Variants in ZSCAN5C observed in about 807,000 individuals in gnomAD.
ZSCAN5C encodes zinc finger and SCAN domain containing 5C, also known as zinc finger and SCAN domain-containing protein 5C.
A neutral mutation model predicts 17.3 loss-of-function variants in ZSCAN5C; 11 were observed. That is an observed-to-expected ratio of 0.64 (90% CI 0.40 to 1.06). The LOEUF is 1.06. ZSCAN5C is among the 50% of genes least tolerant of loss of function. The pLI is 0.00. For missense variants in ZSCAN5C, 698 were observed against 538.9 expected, an observed-to-expected ratio of 1.30 and a Z score of -2.92; for synonymous variants, 229 against 208.4, an observed-to-expected ratio of 1.10 and a Z score of -0.85.
At chr19:56,205,668 C>T (rs2032912069) in intron 1 of ZSCAN5C, 119 bp from the exon 2 acceptor site, 2 of 455,094 alleles carry the variant, frequency 4.4e-6, no homozygotes, top group Non-Finnish European at 7.8e-6. Context: ...GATTGATTTC[C>T]ACGGTGCTGA....
chr19:56,203,609 T>TCTA (rs2032892207), intron 1 of ZSCAN5C, among the ~76,000 whole-genome samples: 1 of 151,294 alleles, frequency 6.6e-6, no homozygotes, highest in South Asian at 2.1e-4. Context: ...TAACCACCAT[T>TCTA]CTACTCACTG....
At chr19:56,204,156 C>T (rs1201277737) in intron 1 of ZSCAN5C, among the ~76,000 whole-genome samples, 2 of 151,704 alleles carry the variant, frequency 1.3e-5, no homozygotes, top group South Asian at 4.2e-4. Flanking sequence ...TTTTTCAACC[C>T]TCCCTCCCTC....
At chr19:56,208,495 C>T (rs1191072512) in exon 5 of ZSCAN5C, 9 of 1,534,978 alleles carry the variant, frequency 5.9e-6, no homozygotes, top group Non-Finnish European at 8.1e-6. Context: ...AAAAAAGAGC[C>T]TCTGTGGAAA....
At chr19:56,203,342 C>T (rs1012093447) in intron 1 of ZSCAN5C, among the ~76,000 whole-genome samples, 6 of 151,824 alleles carry the variant, frequency 4.0e-5, no homozygotes, top group South Asian at 2.1e-4. Context: ...TTATGGTGTA[C>T]AGCATAATGT....
At chr19:56,202,746 G>T (rs188483633) in intron 1 of ZSCAN5C, among the ~76,000 whole-genome samples, 43 of 151,976 alleles carry the variant, frequency 2.8e-4, no homozygotes, top group Admixed American at 2.2e-3. Flanking sequence ...TGTACAGATG[G>T]GGTCTCAGTA....
rs2032927871 is a variant in ZSCAN5C at position 56,206,937 on chromosome 19, T to A, written c.385-122T>A. The A allele has an allele frequency of 8.3e-6, 5 of 605,766 alleles. 1 individual carries two copies. The highest frequency in any genetic ancestry group is 1.5e-5 in the Non-Finnish European group (5 of 338,254). The allele number at this position is 605,766 out of a possible 1,614,324, so 37.5% of individuals were successfully genotyped here. On this transcript the variant is annotated intron_variant, in intron 2 of 4. Transcript: ENST00000534327. ...AAGTTCACACAGAGCTGATTCTGCA[T>A]CGGGAAGGCAGATTTGAACATTAAT...
intron 2 of ZSCAN5C, among the ~76,000 whole-genome samples, chr19:56,206,615 G>C (rs10426561): frequency 0.038 from 5,719 of 151,538 alleles, 264 homozygotes; most frequent in African/African-American, 0.13. Context: ...GGGGTACAGG[G>C]ACCCACACAC....
chr19:56,206,938 C>G (rs73065799), intron 2 of ZSCAN5C, 121 bp from the exon 3 acceptor site: 4 of 604,060 alleles, frequency 6.6e-6, no homozygotes, highest in African/African-American at 3.7e-5. Flanking sequence ...GATTCTGCAT[C>G]GGGAAGGCAG....
In ZSCAN5C at chr19:56,207,122, G is replaced by T; in HGVS notation, c.448G>T (p.Ala150Ser). ...GGAATCAGATGTGGAGATGGCTGAA[G>T]CCCCCGCCAGTGTCAGAGATGATCC... The change falls in exon 3 of 5, where the codon GCC becomes TCC. Residue 150 changes from alanine (A) to serine (S), a missense_variant. Transcript: ENST00000534327. 4 of 755,572 alleles carry T rather than the reference G, an allele frequency of 5.3e-6. No homozygotes were observed. In the East Asian group the frequency reaches 9.9e-5, roughly 19 times the overall value. 46.8% of individuals were successfully genotyped at this position (755,572 alleles called of 1,614,324 possible).
At chr19:56,207,445 TTC>T (rs934468215) in intron 3 of ZSCAN5C, among the ~76,000 whole-genome samples, 183 bp downstream of exon 3, 5 of 150,680 alleles carry the variant, frequency 3.3e-5, no homozygotes, top group African/African-American at 9.9e-5. Flanking sequence ...TCATCTACTT[TTC>T]TCTCCACCAT....
At position 56,207,549 on chromosome 19, in the gene ZSCAN5C, T is replaced by A. The variant is rs201566972; in HGVS notation, c.588+287T>A. ...ACAGATGAATGAACTGAAGGTCCCA[T>A]CCCCATCCAGTTTCCTCAAAGACAT... On this transcript the variant is annotated intron_variant, in intron 3 of 4. Transcript: ENST00000534327. Among the ~76,000 whole-genome samples, 1,481 of 151,564 alleles carry A rather than the reference T, an allele frequency of 9.8e-3. 56 individuals carry two copies. The highest frequency in any genetic ancestry group is 0.033 in the African/African-American group (1,371 of 41,076).
exon 3 of ZSCAN5C, chr19:56,207,124 C>A (rs1284559928): frequency 2.6e-6 from 2 of 771,754 alleles, no homozygotes. Context: ...TGGCTGAAGC[C>A]CCCGCCAGTG....
chr19:56,208,813 C>G (rs190840407), exon 5 of ZSCAN5C: 1 of 1,558,854 alleles, frequency 6.4e-7, no homozygotes, highest in African/African-American at 1.4e-5. Context: ...TTAAGTATCG[C>G]GGCAAGTTAG....
exon 5 of ZSCAN5C, chr19:56,208,771 G>T (rs531922174): frequency 6.3e-7 from 1 of 1,599,188 alleles, no homozygotes; most frequent in East Asian, 2.2e-5. Flanking sequence ...AGGAACTGCT[G>T]CCCTTTGCAT....
At chr19:56,202,402 G>A (rs1384554407) in intron 1 of ZSCAN5C, 80 bp downstream of exon 1, 1 of 151,860 alleles carries the variant, frequency 6.6e-6, no homozygotes, top group Admixed American at 6.6e-5. Flanking sequence ...GGATTGAGGG[G>A]TTGGTTTCAG....
chr19:56,205,678 A>G, intron 1 of ZSCAN5C, 109 bp from the exon 2 acceptor site: 1 of 505,466 alleles, frequency 2.0e-6, no homozygotes, highest in South Asian at 3.0e-5. Flanking sequence ...CACGGTGCTG[A>G]GTCCAATGCT....
chr19:56,207,173 T>G (rs533038317), exon 3 of ZSCAN5C: 5 of 778,936 alleles, frequency 6.4e-6, no homozygotes, highest in South Asian at 5.4e-5. Flanking sequence ...CCAGCGGACC[T>G]CCTCTGTGAA....
chr19:56,209,117 T>G (rs1198743011), exon 5 of ZSCAN5C: 1 of 1,561,882 alleles, frequency 6.4e-7, no homozygotes, highest in Non-Finnish European at 8.8e-7. Flanking sequence ...ACCCCACAAA[T>G]GTTCCAAGTG....
At chr19:56,208,388 A>G in intron 4 of ZSCAN5C, 61 bp from the exon 5 acceptor site, 1 of 1,055,016 alleles carries the variant, frequency 9.5e-7, no homozygotes, top group Non-Finnish European at 1.4e-6. Context: ...TTTGGTTGCA[A>G]TGAGTTTGGT....
Sources: gnomAD v4.1 joint callset for allele counts (sites outside exome capture counted in the v4.1 genomes callset) on GRCh38, gnomAD v4.1.1 for gene constraint, MANE v1.5 for transcripts, NCBI Gene and HGNC (gene_info 2026-07-23, HGNC 2026-07-21) for gene names.